EPB41L2: variants seen among roughly 807,000 people sequenced by gnomAD.
The protein encoded by EPB41L2 is erythrocyte membrane protein band 4.1 like 2, also known as band 4.1-like protein 2.
A neutral mutation model predicts 113.0 loss-of-function variants in EPB41L2; 43 were observed. That is an observed-to-expected ratio of 0.38 (90% CI 0.30 to 0.49). The LOEUF (loss-of-function observed/expected upper bound fraction) is 0.49. Among genes scored for constraint, EPB41L2 ranks in the 20% least tolerant of loss-of-function variants. The pLI is 0.95. For missense variants in EPB41L2, 1,147 were observed against 1,223.4 expected, an observed-to-expected ratio of 0.94 and a Z score of 0.93; for synonymous variants, 442 against 436.7, an observed-to-expected ratio of 1.01 and a Z score of -0.15.
intron 15 of EPB41L2, chr6:130,868,623 T>C (rs1362749814): frequency 6.6e-6 from 1 of 152,214 alleles, no homozygotes; most frequent in Non-Finnish European, 1.5e-5. Context: ...CACTTAATTA[T>C]TTTAAGACAA....
chr6:130,938,517 G>C (rs1322173382), intron 3 of EPB41L2, among the ~76,000 whole-genome samples: 1 of 152,098 alleles, frequency 6.6e-6, no homozygotes, highest in African/African-American at 2.4e-5. Context: ...GAAACTCTGA[G>C]GCATCAGAAA....
At chr6:131,026,396 C>A (rs79292589) in intron 1 of EPB41L2, among the ~76,000 whole-genome samples, 8,042 of 152,264 alleles carry the variant, frequency 0.053, 313 homozygotes, top group East Asian at 0.12. Flanking sequence ...CTAATTCATA[C>A]CCTCCCATCT....
chr6:130,850,146 G>A (rs1778363493), intron 19 of EPB41L2, among the ~76,000 whole-genome samples: 1 of 152,154 alleles, frequency 6.6e-6, no homozygotes, highest in Non-Finnish European at 1.5e-5. Flanking sequence ...GCTGAGGTAG[G>A]AGAAACGCTT....
At position 130,863,648 on chromosome 6, in the gene EPB41L2, T is replaced by A; in HGVS notation, c.2900A>T (p.Asp967Val). ...ACTTAACTTATTTACCTGGTCATGA[T>A]CAATATCTCCATCTCCTGTGATCAC... is the stretch of plus-strand genomic sequence containing the variant. ...RIVITGDGDIDHDQALAQAIR... is the reference protein window; with the variant it reads ...RIVITGDGDIVHDQALAQAIR... Residue 967 changes from aspartate to valine, a missense_variant, in exon 18 of 20, where the codon GAT becomes GTT. Physicochemically the swap from Asp to Val is radical, Grantham distance 152 (BLOSUM62 -3). Transcript: ENST00000337057. The A allele has an allele frequency of 6.2e-7, 1 of 1,610,748 alleles. No individual in the cohort carries two copies. The highest frequency in any genetic ancestry group is 8.5e-7 in the Non-Finnish European group (1 of 1,177,176).
intron 11 of EPB41L2, among the ~76,000 whole-genome samples, chr6:130,888,681 A>AG (rs1791833196): frequency 6.6e-6 from 1 of 152,208 alleles, no homozygotes; most frequent in African/African-American, 2.4e-5. Flanking sequence ...CTCTGTGGCA[A>AG]GGGGCAAGGC....
intron 3 of EPB41L2, among the ~76,000 whole-genome samples, chr6:130,942,458 A>G (rs776962419): frequency 1.3e-5 from 2 of 152,246 alleles, no homozygotes; most frequent in Non-Finnish European, 2.9e-5. Flanking sequence ...TAGAAATAAA[A>G]CAGTAATGAT....
chr6:130,889,875 C>T (rs781168779), intron 11 of EPB41L2, among the ~76,000 whole-genome samples: 28 of 151,996 alleles, frequency 1.8e-4, no homozygotes, highest in African/African-American at 4.4e-4. Flanking sequence ...AGAAGTGTTG[C>T]GGATTTCTAA....
chr6:130,983,711 T>C (rs149194970), intron 1 of EPB41L2, among the ~76,000 whole-genome samples: 195 of 151,980 alleles, frequency 1.3e-3, no homozygotes, highest in African/African-American at 4.5e-3. Context: ...TTATTTTTTG[T>C]AGAGATGGGA....
chr6:130,929,388 C>T (rs1320056783), intron 3 of EPB41L2, among the ~76,000 whole-genome samples: 1 of 152,076 alleles, frequency 6.6e-6, no homozygotes. Context: ...TTTATAGAGA[C>T]TGAGTGAATT....
At chr6:130,908,897 T>C (rs1185386599) in intron 4 of EPB41L2, 34 bp from the exon 5 acceptor site, 2 of 1,491,288 alleles carry the variant, frequency 1.3e-6, no homozygotes, top group East Asian at 4.5e-5. Context: ...TCATAAGAAA[T>C]ATTCTAGAGT....
intron 1 of EPB41L2, among the ~76,000 whole-genome samples, chr6:131,037,734 A>G (rs1793625475): frequency 6.6e-6 from 1 of 152,088 alleles, no homozygotes. Context: ...GACAACAGGC[A>G]TGCGTCACCA....
intron 1 of EPB41L2, among the ~76,000 whole-genome samples, chr6:130,976,192 A>T (rs1240236783): frequency 2.6e-5 from 4 of 152,138 alleles, no homozygotes; most frequent in Admixed American, 1.3e-4. Context: ...GGTCTATAAA[A>T]TTTTTTTAAC....
At chr6:131,054,500 T>C (rs902608547) in intron 1 of EPB41L2, among the ~76,000 whole-genome samples, 5 of 152,200 alleles carry the variant, frequency 3.3e-5, no homozygotes, top group African/African-American at 1.2e-4. Flanking sequence ...TCTTTCCCTA[T>C]CTGTCTCTAT....
chr6:131,041,509 T>C (rs1321001795), intron 1 of EPB41L2, among the ~76,000 whole-genome samples: 2 of 152,188 alleles, frequency 1.3e-5, no homozygotes, highest in East Asian at 3.9e-4. Flanking sequence ...CAGTAAGAAA[T>C]ATACACTGAT....
chr6:130,953,703 G>A (rs1816105827), intron 3 of EPB41L2, among the ~76,000 whole-genome samples: 1 of 152,010 alleles, frequency 6.6e-6, no homozygotes, highest in Non-Finnish European at 1.5e-5. Flanking sequence ...TTTAGGAAAT[G>A]ACTTAATCAC....
At chr6:130,958,053 G>A (rs1385516353) in intron 1 of EPB41L2, among the ~76,000 whole-genome samples, 2 of 152,156 alleles carry the variant, frequency 1.3e-5, no homozygotes, top group Admixed American at 6.5e-5. Context: ...TGGCTTCTAC[G>A]ATGTGGTAAG....
chr6:130,855,293 G>A (rs1459243530), intron 19 of EPB41L2, among the ~76,000 whole-genome samples: 1 of 152,160 alleles, frequency 6.6e-6, no homozygotes, highest in African/African-American at 2.4e-5. Flanking sequence ...GGAGGTTGAA[G>A]TGAACCGAGA....
intron 4 of EPB41L2, among the ~76,000 whole-genome samples, chr6:130,909,862 C>T (rs1016892491): frequency 6.6e-6 from 1 of 152,142 alleles, no homozygotes; most frequent in Admixed American, 6.5e-5. Context: ...CAAAGCACTG[C>T]ACAAGGAAAT....
At chr6:130,983,444 T>C in intron 1 of EPB41L2, among the ~76,000 whole-genome samples, 1 of 152,040 alleles carries the variant, frequency 6.6e-6, no homozygotes, top group Admixed American at 6.5e-5. Flanking sequence ...ACATCTAGGC[T>C]AGATGGCATA....
Sources: allele counts gnomAD v4.1 joint callset (sites outside exome capture counted in the v4.1 genomes callset), GRCh38; gene constraint gnomAD v4.1.1; transcripts MANE v1.5; gene names NCBI Gene and HGNC (gene_info 2026-07-23, HGNC 2026-07-21).